The following EVC2 variants were observed in gnomAD, a reference collection of about 807,000 sequenced individuals.
EVC2 encodes EvC ciliary complex subunit 2.
A neutral mutation model predicts 149.3 loss-of-function variants in EVC2; 148 were observed. The ratio of observed to expected loss-of-function variants is 0.99; its 90% CI spans 0.87 to 1.14. The LOEUF (loss-of-function observed/expected upper bound fraction) is 1.14, where lower values mean the gene tolerates loss of function less well. Ranked by LOEUF, EVC2 falls within the 50% of genes most tolerant of loss-of-function variation. The probability of loss-of-function intolerance (pLI) is 0.00; values close to 1 mark genes in which losing one functional copy is unlikely to be tolerated. For synonymous variants in EVC2, 776 were observed against 649.9 expected, an observed-to-expected ratio of 1.19 and a Z score of -2.95; for missense variants, 1,854 against 1,627.3, an observed-to-expected ratio of 1.14 and a Z score of -2.40.
chr4:5,626,123 G>C (rs1296658921), intron 12 of EVC2, among the ~76,000 whole-genome samples: 2 of 152,106 alleles, frequency 1.3e-5, no homozygotes, highest in Non-Finnish European at 2.9e-5. Context: ...ACATCATTAG[G>C]GTGGAAGTTG....
chr4:5,665,646 G>GGCCGTGGTGCGGCAC lies in EVC2; in HGVS notation c.873_874insGTGCCGCACCACGGC (p.Val291_Leu292insValProHisHisGly). ...GCTGCGTGGAGGCCGTGGTGCGGCA[G>GGCCGTGGTGCGGCAC]AACCTGTGGAGACAAGAGGAGAGCA... On this transcript the variant is annotated inframe_insertion, in exon 8 of 22. Transcript: ENST00000344408. 3.7e-6 allele frequency: 6 copies of GGCCGTGGTGCGGCAC among 1,614,156 alleles called. No homozygotes were observed. The South Asian group carries it at 5.5e-5, about 15-fold the overall frequency.
chr4:5,648,841 A>G (rs1717910373), intron 9 of EVC2, among the ~76,000 whole-genome samples: 1 of 152,204 alleles, frequency 6.6e-6, no homozygotes, highest in Non-Finnish European at 1.5e-5. Context: ...CAAAGACAAG[A>G]AAATGTCCCT....
At position 5,618,642 on chromosome 4, in the gene EVC2, G is replaced by A; in HGVS notation, c.2542C>T (p.Leu848=). The A allele has an allele frequency of 6.2e-7, 1 of 1,610,854 alleles. No homozygotes were observed. Among genetic ancestry groups the A allele is most frequent in the Non-Finnish European group, 8.5e-7 (1 of 1,178,590 alleles). Residue 848 remains leucine (L), a synonymous_variant, in exon 15 of 22, where the codon CTG becomes TTG. Coordinates refer to ENST00000344408, the MANE Select transcript of EVC2 (RefSeq NM_147127.5). This position sits in a 1 kb window ranked among gnomAD's most constrained non-coding sequence, Gnocchi z 4.4. ...TGGACCTCCTGCCTCATCCTGAGCA[G>A]CTCCTCTTCAGACAGGGAGAAGACT... ...SSVFSLSEEE[L]LRMRQEVHGC...
intron 7 of EVC2, among the ~76,000 whole-genome samples, chr4:5,673,360 ACCC>A (rs891111211): frequency 6.6e-5 from 10 of 152,060 alleles, no homozygotes; most frequent in African/African-American, 2.4e-4. Context: ...TGCTGGTGGG[ACCC>A]ACCGCTGCAG....
chr4:5,549,836 C>G (rs189878623), intron 21 of EVC2, among the ~76,000 whole-genome samples: 23 of 152,244 alleles, frequency 1.5e-4, no homozygotes, highest in African/African-American at 5.3e-4. Context: ...TCTTGAATTC[C>G]CACATGTTGT....
In EVC2 at chr4:5,618,994, G is replaced by A. The variant is rs1715485175; in HGVS notation, c.2502-312C>T. On this transcript the variant is annotated intron_variant, in intron 14 of 21. Coordinates refer to ENST00000344408, the MANE Select transcript of EVC2 (RefSeq NM_147127.5). The surrounding 1 kb of genome is among the most constrained non-coding windows in gnomAD (Gnocchi z 4.4). The stretch of plus-strand genomic sequence containing the variant: ...ACCTGGTCTCACTTCAGAAACAGAC[G>A]TGTAAACAAAGCACTGTCTGTGGAG... Among the ~76,000 whole-genome samples, 2 of 152,150 alleles carry A rather than the reference G, an allele frequency of 1.3e-5. No homozygotes were observed. The highest frequency in any genetic ancestry group is 1.5e-5 in the Non-Finnish European group (1 of 68,038).
At chr4:5,626,940 C>T (rs940582405) in intron 12 of EVC2, among the ~76,000 whole-genome samples, 2 of 152,330 alleles carry the variant, frequency 1.3e-5, no homozygotes, top group African/African-American at 4.8e-5. Flanking sequence ...TTTCCTGGGT[C>T]TCCAGCTTGC....
chr4:5,594,633 C>G (rs971576345), intron 16 of EVC2, among the ~76,000 whole-genome samples: 3 of 152,144 alleles, frequency 2.0e-5, no homozygotes, highest in Middle Eastern at 3.2e-3. Context: ...AAAAACAGAG[C>G]AGAAAAACGA....
At chr4:5,594,772 A>G (rs932231621) in intron 16 of EVC2, among the ~76,000 whole-genome samples, 4 of 152,204 alleles carry the variant, frequency 2.6e-5, no homozygotes, top group African/African-American at 9.6e-5. Flanking sequence ...AAACTACTCC[A>G]AGCTACGGGA....
chr4:5,618,472 T>C lies in EVC2; in HGVS notation c.2706+6A>G. The C allele has an allele frequency of 1.9e-6, 3 of 1,612,574 alleles. No individual in the cohort carries two copies. The South Asian group carries it at 3.3e-5, about 18-fold the overall frequency. On this transcript the variant is annotated splice_donor_region_variant and intron_variant, in intron 15 of 21. Coordinates refer to ENST00000344408, the MANE Select transcript of EVC2 (RefSeq NM_147127.5). The surrounding 1 kb of genome is among the most constrained non-coding windows in gnomAD (Gnocchi z 4.4). The stretch of plus-strand genomic sequence containing the variant: ...CTGTAATCGGCCACTGACAGGTCCA[T>C]CCTACCTGCAGCTCAGGGGCAGCCA...
chr4:5,704,884 T>C (rs1483556733), intron 1 of EVC2, among the ~76,000 whole-genome samples: 1 of 151,874 alleles, frequency 6.6e-6, no homozygotes. Context: ...TATATATATA[T>C]GTTTTGTAGA....
intron 8 of EVC2, 59 bp downstream of exon 8, chr4:5,665,456 G>A (rs1719202374): frequency 9.3e-6 from 15 of 1,610,510 alleles, no homozygotes; most frequent in Admixed American, 1.7e-5. Flanking sequence ...CACAGAACTG[G>A]GGGATGAACT....
chr4:5,680,925 TGG>T (rs1437105045), intron 7 of EVC2, among the ~76,000 whole-genome samples: 1 of 152,178 alleles, frequency 6.6e-6, no homozygotes, highest in East Asian at 1.9e-4. Context: ...TGGGAAGATC[TGG>T]GAAAACACAA....
At chr4:5,564,124 A>C (rs567823600) in intron 21 of EVC2, among the ~76,000 whole-genome samples, 1 of 152,332 alleles carries the variant, frequency 6.6e-6, no homozygotes, top group South Asian at 2.1e-4. Flanking sequence ...CCCAGAAGGC[A>C]TGTGGTAGAT....
Position 5,663,117 on chromosome 4 carries a change from C to A in EVC2, c.1135G>T (p.Ala379Ser). Residue 379 changes from alanine (A) to serine (S), a missense_variant, in exon 9 of 22, where the codon GCC (alanine) becomes TCC (serine). Transcript: ENST00000344408. ...SSEDPGSMLQ[A>S]LEELEIATLN... ...ATTTAGAATTCTTACTCTTCTAAGG[C>A]TTGAAGCATGCTCCCAGGGTCCTCG... The A allele has an allele frequency of 1.6e-5, 26 of 1,614,136 alleles. No homozygotes were observed. Among genetic ancestry groups the A allele is most frequent in the Non-Finnish European group, 2.2e-5 (26 of 1,179,982 alleles).
At chr4:5,565,738 C>T (rs556166746) in intron 20 of EVC2, among the ~76,000 whole-genome samples, 55 of 152,110 alleles carry the variant, frequency 3.6e-4, no homozygotes, top group African/African-American at 1.3e-3. Context: ...CTCAATGCCA[C>T]CTTTGGTTGC....
intron 7 of EVC2, among the ~76,000 whole-genome samples, chr4:5,673,586 T>G (rs1719804237): frequency 6.6e-6 from 1 of 152,154 alleles, no homozygotes; most frequent in Admixed American, 6.5e-5. Context: ...TCCTCCTCAC[T>G]TTCCTTCTTG....
chr4:5,649,914 T>TA (rs1717991785), intron 9 of EVC2, among the ~76,000 whole-genome samples: 1 of 152,226 alleles, frequency 6.6e-6, no homozygotes, highest in Non-Finnish European at 1.5e-5. Flanking sequence ...CTCCTGAGTA[T>TA]ATTTGCTGTC....
Position 5,699,652 on chromosome 4 carries a change from A to G in EVC2, c.229-2005T>C, listed in dbSNP as rs560862881. On this transcript the variant is annotated intron_variant, in intron 1 of 21. Coordinates refer to ENST00000344408, the MANE Select transcript of EVC2 (RefSeq NM_147127.5). ...GAGACTCCATCTCTACAAAAAAAAA[A>G]AAAAAAGAAAAAAAGAAAATTAGCC... 2.4e-3 allele frequency among the ~76,000 whole-genome samples: 361 copies of G among 150,906 alleles called. 2 individuals are homozygous for G. The highest frequency in any genetic ancestry group is 3.9e-3 in the Non-Finnish European group (262 of 67,702).
Sources: gnomAD v4.1 joint callset for allele counts (sites outside exome capture counted in the v4.1 genomes callset) on GRCh38, gnomAD v4.1.1 for gene constraint, Gnocchi (gnomAD v3.1) non-coding constraint, MANE v1.5 for transcripts, NCBI Gene and HGNC (gene_info 2026-07-23, HGNC 2026-07-21) for gene names.